GAN: variants seen among roughly 807,000 people sequenced by gnomAD.
GAN encodes gigaxonin, also known as epididymis secretory sperm binding protein.
In GAN, 48 loss-of-function variants were observed where a neutral mutation model predicts 71.3. That is an observed-to-expected ratio of 0.67 (90% CI 0.53 to 0.86). The LOEUF is 0.86. GAN is among the 40% of genes least tolerant of loss of function. The pLI, the probability that GAN is intolerant of heterozygous loss-of-function variation, is 0.00. For synonymous variants in GAN, 386 were observed against 276.8 expected (o/e 1.39, Z -3.92); for missense variants, 928 against 770.1 (o/e 1.21, Z -2.43).
rs373790960 is a variant in GAN, at chr16:81,372,042, A to G, written c.1503-5177A>G. The G allele has an allele frequency of 6.2e-3, 935 of 151,990 alleles. 8 individuals are homozygous for G. The highest frequency in any genetic ancestry group is 0.011 in the Non-Finnish European group (727 of 68,012). The allele number at this position is 151,990 out of a possible 1,614,324, so 9.4% of individuals were successfully genotyped here. On this transcript the variant is annotated intron_variant, in intron 9 of 10. Coordinates refer to ENST00000648994, the MANE Select transcript of GAN (RefSeq NM_022041.4). ...TCCTCCTCTCCTTTCTCCTCAATTG[A>G]TTGCCCTCTTTTCCTCTATAGCTCT...
chr16:81,341,720 A>G (rs572521057), intron 1 of GAN, among the ~76,000 whole-genome samples: 1 of 152,358 alleles, frequency 6.6e-6, no homozygotes, highest in East Asian at 1.9e-4. Flanking sequence ...AAGTAACTGC[A>G]TCAATTAACA....
chr16:81,352,316 G>T (rs1910326436), intron 2 of GAN, among the ~76,000 whole-genome samples: 1 of 152,178 alleles, frequency 6.6e-6, no homozygotes, highest in African/African-American at 2.4e-5. Flanking sequence ...GGAGGAGAAT[G>T]ATAAACGATC....
intron 1 of GAN, among the ~76,000 whole-genome samples, chr16:81,344,819 T>C (rs1910062812): frequency 6.6e-6 from 1 of 152,150 alleles, no homozygotes; most frequent in Admixed American, 6.5e-5. Flanking sequence ...ACGGGCAACC[T>C]ACAGAATGGG....
chr16:81,362,352 C>A, intron 5 of GAN, 147 bp from the exon 6 acceptor site: 1 of 691,076 alleles, frequency 1.4e-6, no homozygotes, highest in Non-Finnish European at 2.6e-6. Context: ...CACCAAGGAT[C>A]CAATGGGATG....
At position 81,351,574 on chromosome 16, in the gene GAN, C is replaced by A. The variant is rs1263149383; in HGVS notation, c.168-9C>A. On this transcript the variant is annotated splice_polypyrimidine_tract_variant and intron_variant, in intron 1 of 10. Transcript: ENST00000648994. ...TCATAGAAATTTTACATTTTTTTCCCTTTCTTAGGACAAAGTTAAACTATA... is the reference window on the plus strand; with the variant it reads ...TCATAGAAATTTTACATTTTTTTCCATTTCTTAGGACAAAGTTAAACTATA... 2 of 1,192,748 alleles carry A rather than the reference C, an allele frequency of 1.7e-6. No individual in the cohort carries two copies. Among genetic ancestry groups the A allele is most frequent in the Non-Finnish European group, 2.5e-6 (2 of 796,306 alleles). The allele number at this position is 1,192,748 out of a possible 1,614,324, so 73.9% of individuals were successfully genotyped here.
At chr16:81,375,624 C>T (rs989767877) in intron 9 of GAN, among the ~76,000 whole-genome samples, 3 of 151,958 alleles carry the variant, frequency 2.0e-5, no homozygotes, top group Non-Finnish European at 1.5e-5. Flanking sequence ...CCACACCTGG[C>T]CCCCAGTTTT....
Position 81,379,445 on chromosome 16 carries a change from G to A in GAN, c.*1849G>A, listed in dbSNP as rs1338572504. 1 of 152,220 alleles carries A rather than the reference G, an allele frequency of 6.6e-6. No individual in the cohort carries two copies. The highest frequency in any genetic ancestry group is 6.5e-5 in the Admixed American group (1 of 15,282). 9.4% of individuals were successfully genotyped at this position (152,220 alleles called of 1,614,324 possible). On this transcript the variant is annotated 3_prime_UTR_variant, in exon 11 of 11. Coordinates refer to ENST00000648994, the MANE Select transcript of GAN (RefSeq NM_022041.4). ...CAGGCCAGATGTGCCGCACAGTCATGTAATTCAATCATGTTTAATATGTCA... is the reference window on the plus strand; with the variant it reads ...CAGGCCAGATGTGCCGCACAGTCATATAATTCAATCATGTTTAATATGTCA...
chr16:81,368,746 C>T (rs1175688226), intron 9 of GAN, among the ~76,000 whole-genome samples: 1 of 152,210 alleles, frequency 6.6e-6, no homozygotes, highest in African/African-American at 2.4e-5. Context: ...ACAGTTATTC[C>T]TGCATCTGTG....
intron 2 of GAN, among the ~76,000 whole-genome samples, chr16:81,353,974 G>A (rs114867573): frequency 3.3e-5 from 5 of 152,118 alleles, no homozygotes; most frequent in Non-Finnish European, 2.9e-5. Flanking sequence ...GCCATTTAGC[G>A]GAAGAGTGAA....
rs1452617291 is a variant in GAN, at chr16:81,380,060, A to G, written c.*2464A>G. ...AACTGTTATTTTACTATATATAAAT[A>G]TTAAAATATTGTGTTGAAGTATAGG... is the stretch of plus-strand genomic sequence containing the variant. On this transcript the variant is annotated 3_prime_UTR_variant, in exon 11 of 11. Transcript: ENST00000648994. 6.6e-6 allele frequency: 1 copy of G among 152,624 alleles called. No homozygotes were observed. The highest frequency in any genetic ancestry group is 1.5e-5 in the Non-Finnish European group (1 of 68,042). 9.5% of individuals were successfully genotyped at this position (152,624 alleles called of 1,614,324 possible). A position where few individuals can be genotyped will look rare whatever the true frequency, so the allele number is the denominator to read the frequency against.
chr16:81,331,557 A>G lies in GAN; in HGVS notation c.167+16277A>G, dbSNP rs111235742. On this transcript the variant is annotated intron_variant, in intron 1 of 10. Transcript: ENST00000648994. ...ATCAGTAGGTGAAAAAAAGAAAACC[A>G]AATTCCTAAGGAGCGGCTCCATTTC... 2.5e-3 allele frequency among the ~76,000 whole-genome samples: 387 copies of G among 152,306 alleles called. 2 individuals are homozygous for G. Among genetic ancestry groups the G allele is most frequent in the African/African-American group, 8.9e-3 (369 of 41,568 alleles).
At chr16:81,350,147 A>G (rs1241276543) in intron 1 of GAN, among the ~76,000 whole-genome samples, 1 of 152,156 alleles carries the variant, frequency 6.6e-6, no homozygotes, top group South Asian at 2.1e-4. Context: ...TAGTATCACA[A>G]ATATGTAAAG....
At chr16:81,343,722 C>T (rs531831779) in intron 1 of GAN, among the ~76,000 whole-genome samples, 2 of 152,178 alleles carry the variant, frequency 1.3e-5, no homozygotes, top group Non-Finnish European at 2.9e-5. Context: ...CAAGGATGCC[C>T]TCTCTCACCA....
At chr16:81,372,192 G>A (rs1466679654) in intron 9 of GAN, among the ~76,000 whole-genome samples, 1 of 152,226 alleles carries the variant, frequency 6.6e-6, no homozygotes, top group Non-Finnish European at 1.5e-5. Flanking sequence ...ACCAGAGGGT[G>A]CATCATTATA....
intron 1 of GAN, among the ~76,000 whole-genome samples, chr16:81,344,431 T>A (rs940365459): frequency 1.4e-4 from 21 of 152,144 alleles, no homozygotes; most frequent in African/African-American, 4.6e-4. Context: ...TATAGACCAA[T>A]GGAACAGAAC....
rs1439114867 is a variant in GAN, at chr16:81,388,369, C to T, written c.*10773C>T. 1 of 152,548 alleles carries T rather than the reference C, an allele frequency of 6.6e-6. No individual in the cohort carries two copies. Among genetic ancestry groups the T allele is most frequent in the South Asian group, 2.1e-4 (1 of 4,828 alleles). 9.4% of individuals were successfully genotyped at this position (152,548 alleles called of 1,614,324 possible). A position where few individuals can be genotyped will look rare whatever the true frequency, so the allele number is the denominator to read the frequency against. On this transcript the variant is annotated 3_prime_UTR_variant, in exon 11 of 11. Coordinates refer to ENST00000648994, the MANE Select transcript of GAN (RefSeq NM_022041.4). ...TGAGCCTCACAGATCCCTGAGCAGA[C>T]CTGCATACTAGCACTTTCCACAACC...
rs982338741 is a variant in GAN, at chr16:81,356,945, A to C, written c.794A>C (p.Asn265Thr). 26 of 1,613,720 alleles carry C rather than the reference A, an allele frequency of 1.6e-5. No homozygotes were observed. The East Asian group carries it at 5.8e-4, about 36-fold the overall frequency. ...QPQQGEAMLANFKPRGYSECI... is the reference protein window; with the variant it reads ...QPQQGEAMLATFKPRGYSECI... ...CAGCAAGGGGAGGCGATGCTGGCCAACTTCAAACCCCGGGGCTACTCTGAG... is the reference window on the plus strand; with the variant it reads ...CAGCAAGGGGAGGCGATGCTGGCCACCTTCAAACCCCGGGGCTACTCTGAG... The change falls in exon 4 of 11, where the codon AAC becomes ACC. Residue 265 changes from asparagine (N) to threonine (T), a missense_variant. Asn to Thr is a moderately conservative substitution (Grantham distance 65, BLOSUM62 0). Coordinates refer to ENST00000648994, the MANE Select transcript of GAN (RefSeq NM_022041.4).
Position 81,354,555 on chromosome 16 carries a change from T to C in GAN, c.433T>C (p.Cys145Arg). 6.2e-7 allele frequency: 1 copy of C among 1,614,130 alleles called. No individual in the cohort carries two copies. The change falls in exon 3 of 11, where the codon TGC becomes CGC. Residue 145 changes from cysteine (C) to arginine (R), a missense_variant. Transcript: ENST00000648994. The part of the protein sequence containing the change: ...IGIRDFALHY[C>R]LHHVHYLATE... ...TATCCGTGACTTTGCACTACATTAC[T>C]GCCTCCATCACGTTCATTACCTTGC...
chr16:81,334,213 G>C (rs1289026289), intron 1 of GAN, among the ~76,000 whole-genome samples: 1 of 152,196 alleles, frequency 6.6e-6, no homozygotes, highest in Non-Finnish European at 1.5e-5. Flanking sequence ...GATATCAAGA[G>C]GAGAATGGAA....
Sources: gnomAD v4.1 joint callset for allele counts (sites outside exome capture counted in the v4.1 genomes callset) on GRCh38, gnomAD v4.1.1 for gene constraint, MANE v1.5 for transcripts, NCBI Gene and HGNC (gene_info 2026-07-23, HGNC 2026-07-21) for gene names.